The following FRAS1 variants were observed in gnomAD, a reference collection of about 807,000 sequenced individuals.
The protein encoded by FRAS1 is Fraser extracellular matrix complex subunit 1.
A neutral mutation model predicts 435.2 loss-of-function variants in FRAS1; 290 were observed. That is an observed-to-expected ratio of 0.67 (90% CI 0.61 to 0.73). FRAS1 has a LOEUF of 0.73. Ranked by LOEUF, FRAS1 falls within the 30% of genes least tolerant of loss-of-function variation. FRAS1 has a pLI of 0.00. For missense variants in FRAS1, 4,860 were observed against 5,001.5 expected, an observed-to-expected ratio of 0.97 and a Z score of 0.85; for synonymous variants, 1,800 against 1,851.0, an observed-to-expected ratio of 0.97 and a Z score of 0.71.
At chr4:78,421,790 G>A in intron 33 of FRAS1, 73 bp from the exon 34 acceptor site, 9 of 1,517,548 alleles carry the variant, frequency 5.9e-6, no homozygotes, top group Non-Finnish European at 8.2e-6. Flanking sequence ...AGAAGAGCAG[G>A]CTCTATGGCT....
intron 2 of FRAS1, among the ~76,000 whole-genome samples, chr4:78,131,806 A>G (rs1261984894): frequency 6.6e-6 from 1 of 152,168 alleles, no homozygotes; most frequent in Non-Finnish European, 1.5e-5. Flanking sequence ...GTCAGTTATT[A>G]ATGAATTATT....
At chr4:78,377,788 G>T (rs552876794) in intron 26 of FRAS1, among the ~76,000 whole-genome samples, 4 of 152,084 alleles carry the variant, frequency 2.6e-5, no homozygotes, top group Non-Finnish European at 5.9e-5. Context: ...CCAGCAGCCC[G>T]CTAGGATTAC....
chr4:78,317,136 A>G (rs1222377730), intron 16 of FRAS1, among the ~76,000 whole-genome samples: 1 of 152,230 alleles, frequency 6.6e-6, no homozygotes, highest in African/African-American at 2.4e-5. Context: ...TGCTTAGTAC[A>G]AACACTAAAT....
chr4:78,219,034 C>T (rs1723928546), intron 2 of FRAS1, among the ~76,000 whole-genome samples: 1 of 152,130 alleles, frequency 6.6e-6, no homozygotes, highest in Admixed American at 6.5e-5. Flanking sequence ...ATTTCAGCTC[C>T]AGTATAATTC....
At chr4:78,186,829 A>T (rs1345145461) in intron 2 of FRAS1, among the ~76,000 whole-genome samples, 1 of 152,190 alleles carries the variant, frequency 6.6e-6, no homozygotes, top group African/African-American at 2.4e-5. Context: ...TCTTCTTTTC[A>T]TTCTGCTGCT....
rs1741685998 is a variant in FRAS1, at chr4:78,094,303, A to T, written c.108+28287A>T. 2.6e-5 allele frequency among the ~76,000 whole-genome samples: 4 copies of T among 152,004 alleles called. No individual in the cohort carries two copies. The South Asian group carries it at 8.3e-4, about 31-fold the overall frequency. On this transcript the variant is annotated intron_variant, in intron 2 of 73. Transcript: ENST00000512123. ...AATGAAAATGTTGGCAAATGATTGA[A>T]TTTAAATATTTTGATTGTTTGAAGC...
chr4:78,235,368 T>A (rs1724704312), intron 2 of FRAS1, among the ~76,000 whole-genome samples: 1 of 152,194 alleles, frequency 6.6e-6, no homozygotes. Context: ...GTTTCCTAGC[T>A]CATCTCAGCT....
At chr4:78,495,141 C>A (rs1720475654) in intron 59 of FRAS1, among the ~76,000 whole-genome samples, 1 of 151,742 alleles carries the variant, frequency 6.6e-6, no homozygotes, top group Admixed American at 6.6e-5. Flanking sequence ...TATTTTTATC[C>A]TTTGTTTCTT....
At chr4:78,431,563 A>G (rs1302464929) in intron 37 of FRAS1, among the ~76,000 whole-genome samples, 1 of 152,212 alleles carries the variant, frequency 6.6e-6, no homozygotes, top group Admixed American at 6.5e-5. Context: ...CTAATAATCT[A>G]TCAAAAGATA....
intron 14 of FRAS1, among the ~76,000 whole-genome samples, chr4:78,288,299 TCTC>T (rs1032604031): frequency 6.6e-6 from 1 of 152,216 alleles, no homozygotes; most frequent in Admixed American, 6.5e-5. Context: ...ATCAAAGAGA[TCTC>T]CTGCTAGTGC....
At chr4:78,126,358 G>T (rs1719357787) in intron 2 of FRAS1, among the ~76,000 whole-genome samples, 1 of 152,064 alleles carries the variant, frequency 6.6e-6, no homozygotes, top group Non-Finnish European at 1.5e-5. Context: ...TGCAGTTCCT[G>T]GGTGAGGCAA....
chr4:78,455,657 C>T (rs1396326049), intron 47 of FRAS1, among the ~76,000 whole-genome samples: 1 of 152,146 alleles, frequency 6.6e-6, no homozygotes, highest in East Asian at 1.9e-4. Context: ...GTGGGGAAAT[C>T]TCTTCTTCCC....
chr4:78,136,946 G>A (rs1719943994), intron 2 of FRAS1, among the ~76,000 whole-genome samples: 1 of 152,230 alleles, frequency 6.6e-6, no homozygotes, highest in African/African-American at 2.4e-5. Flanking sequence ...AGGGGTGAAT[G>A]AGACTTCATG....
At chr4:78,159,176 A>G (rs1246484539) in intron 2 of FRAS1, among the ~76,000 whole-genome samples, 2 of 152,318 alleles carry the variant, frequency 1.3e-5, no homozygotes, top group Admixed American at 6.5e-5. Context: ...CACTCAATGG[A>G]TGAATTCTTC....
At chr4:78,177,938 C>T (rs536644294) in intron 2 of FRAS1, among the ~76,000 whole-genome samples, 11 of 152,166 alleles carry the variant, frequency 7.2e-5, no homozygotes, top group African/African-American at 2.4e-4. Flanking sequence ...AGCAAATTTC[C>T]GCAAACTGGG....
intron 2 of FRAS1, among the ~76,000 whole-genome samples, chr4:78,191,171 G>A (rs1042152806): frequency 8.5e-5 from 13 of 152,324 alleles, no homozygotes; most frequent in Admixed American, 2.6e-4. Flanking sequence ...CCCAGTCTAC[G>A]TATATTGTTA....
chr4:78,270,217 A>G (rs141997406), intron 9 of FRAS1, among the ~76,000 whole-genome samples: 8 of 152,328 alleles, frequency 5.3e-5, no homozygotes, highest in Middle Eastern at 3.4e-3. Context: ...CCACCTCACC[A>G]AAACTGAATC....
Position 78,404,291 on chromosome 4 carries a change from C to T in FRAS1, c.4130-3372C>T, listed in dbSNP as rs187060871. Among the ~76,000 whole-genome samples the T allele has an allele frequency of 2.6e-5, 4 of 151,644 alleles. No individual in the cohort carries two copies. In the East Asian group the frequency reaches 7.7e-4, roughly 29 times the overall value. ...AAATTATAGGTTAAAATATAGACTT[C>T]AGTATAAAGGAAATCCCCAGTAGAG... On this transcript the variant is annotated intron_variant, in intron 30 of 73. Transcript: ENST00000512123.
chr4:78,479,787 A>G, intron 56 of FRAS1, 69 bp downstream of exon 56: 1 of 1,222,282 alleles, frequency 8.2e-7, no homozygotes, highest in East Asian at 2.5e-5. Context: ...TTTTCTCCTT[A>G]GGTTTCAGAA....
Sources: gnomAD v4.1 joint callset for allele counts (sites outside exome capture counted in the v4.1 genomes callset) on GRCh38, gnomAD v4.1.1 for gene constraint, MANE v1.5 for transcripts, NCBI Gene and HGNC (gene_info 2026-07-23, HGNC 2026-07-21) for gene names.